MGA: variants seen among roughly 807,000 people sequenced by gnomAD.
MGA encodes MAX dimerization protein MGA.
In MGA, 40 loss-of-function variants were observed where a neutral mutation model predicts 261.1. That is an observed-to-expected ratio of 0.15 (90% CI 0.12 to 0.20). The LOEUF is 0.20. MGA is among the 10% of genes least tolerant of loss of function. The pLI, the probability that MGA is intolerant of heterozygous loss-of-function variation, is 1.00. For missense variants in MGA, 3,397 were observed against 3,630.5 expected, an observed-to-expected ratio of 0.94 and a Z score of 1.65; for synonymous variants, 1,302 against 1,290.6, an observed-to-expected ratio of 1.01 and a Z score of -0.19.
chr15:41,749,827 C>T lies in MGA; in HGVS notation c.6220C>T (p.Arg2074Cys), dbSNP rs199971244. 3.8e-5 allele frequency: 62 copies of T among 1,613,692 alleles called. No homozygotes were observed. Among genetic ancestry groups the T allele is most frequent in the Non-Finnish European group, 5.3e-5 (62 of 1,179,868 alleles). The change falls in exon 17 of 24, where the codon CGT (arginine) becomes TGT (cysteine). Residue 2074 changes from arginine to cysteine, a missense_variant. Arg to Cys is a radical substitution (Grantham distance 180). Coordinates refer to ENST00000219905, the MANE Select transcript of MGA (RefSeq NM_001164273.2). The stretch of plus-strand genomic sequence containing the variant: ...TAATGAAGAATATGGGGCTAGGAAT[C>T]GTAAGAGTTCCAAAGAAAAAGTGGC...
At chr15:41,656,065 C>T (rs548703750), upstream of MGA, among the ~76,000 whole-genome samples, 6 of 152,148 alleles carry the variant, frequency 3.9e-5, no homozygotes, top group Admixed American at 2.0e-4. Context: ...CATATTAATA[C>T]GTGGTTTTAA....
At chr15:41,708,521 G>A (rs1035232729) in intron 7 of MGA, among the ~76,000 whole-genome samples, 2 of 152,216 alleles carry the variant, frequency 1.3e-5, no homozygotes, top group African/African-American at 4.8e-5. Context: ...GCTTCACCAT[G>A]TTGGCCAGGC....
At chr15:41,629,650 G>T in intron 1 of MGA, among the ~76,000 whole-genome samples, 1 of 151,700 alleles carries the variant, frequency 6.6e-6, no homozygotes, top group South Asian at 2.1e-4. Flanking sequence ...GATTACTTCA[G>T]CCTGGGTGGT....
intron 1 of MGA, among the ~76,000 whole-genome samples, chr15:41,664,710 TAGG>T (rs2057627744): frequency 6.6e-6 from 1 of 152,336 alleles, no homozygotes; most frequent in South Asian, 2.1e-4. Flanking sequence ...AAGTACAAGC[TAGG>T]AGTTTGCATT....
chr15:41,686,790 A>T (rs961588856), intron 2 of MGA, among the ~76,000 whole-genome samples: 2 of 151,976 alleles, frequency 1.3e-5, no homozygotes, highest in African/African-American at 4.8e-5. Context: ...ATTGATTTAG[A>T]GGGGAGGGGT....
chr15:41,757,838 A>T lies in MGA; in HGVS notation c.7190A>T (p.Lys2397Met). 1 of 1,602,480 alleles carries T rather than the reference A, an allele frequency of 6.2e-7. No homozygotes were observed. The highest frequency in any genetic ancestry group is 8.5e-7 in the Non-Finnish European group (1 of 1,170,092). The change falls in exon 19 of 24, where the codon AAG becomes ATG. Residue 2397 changes from lysine to methionine, a missense_variant and splice_region_variant. Coordinates refer to ENST00000219905, the MANE Select transcript of MGA (RefSeq NM_001164273.2). Reference sequence around the variant, plus strand: ...GAAAAAGCAGCTGAAAGGAGTCGAAAGGTATTTAGGATATATTTAGTGATA... The same window carrying T: ...GAAAAAGCAGCTGAAAGGAGTCGAATGGTATTTAGGATATATTTAGTGATA...
intron 5 of MGA, among the ~76,000 whole-genome samples, chr15:41,702,912 T>A (rs192259626): frequency 6.8e-6 from 1 of 148,036 alleles, no homozygotes; most frequent in Non-Finnish European, 1.5e-5. Context: ...ATAGAAAAAT[T>A]AAGAACACAG....
chr15:41,667,888 C>T (rs1183355873), intron 1 of MGA, among the ~76,000 whole-genome samples: 2 of 152,168 alleles, frequency 1.3e-5, no homozygotes, highest in Admixed American at 6.5e-5. Context: ...AGTGCACCTT[C>T]TGCCTCCTAG....
At position 41,743,188 on chromosome 15, in the gene MGA, T is replaced by C. The variant is rs1312172419; in HGVS notation, c.5212+16T>C. The C allele has an allele frequency of 7.6e-6, 12 of 1,586,192 alleles. No homozygotes were observed. In the East Asian group the frequency reaches 1.4e-4, roughly 18 times the overall value. On this transcript the variant is annotated intron_variant, in intron 15 of 23. Coordinates refer to ENST00000219905, the MANE Select transcript of MGA (RefSeq NM_001164273.2). ...CAGAGACCAGGTAAGGCCTAGATGT[T>C]ACTAGCTGCTTTATTTTACTGTACA...
chr15:41,701,259 T>A (rs2059838607), intron 5 of MGA, among the ~76,000 whole-genome samples: 4 of 152,224 alleles, frequency 2.6e-5, no homozygotes, highest in Admixed American at 2.6e-4. Context: ...TTTTTTTTGT[T>A]ATTTTCTTGA....
intron 15 of MGA, among the ~76,000 whole-genome samples, chr15:41,745,223 C>T (rs895682818): frequency 2.0e-4 from 29 of 141,846 alleles, no homozygotes; most frequent in African/African-American, 7.5e-4. Flanking sequence ...CTTCCCTCCA[C>T]TATTGTCCTA....
chr15:41,762,162 A>C lies in MGA; in HGVS notation c.7544A>C (p.Glu2515Ala). 6.2e-7 allele frequency: 1 copy of C among 1,613,878 alleles called. No homozygotes were observed. The highest frequency in any genetic ancestry group is 8.5e-7 in the Non-Finnish European group (1 of 1,179,828). Residue 2515 changes from glutamate to alanine, a missense_variant, in exon 22 of 24, where the codon GAG becomes GCG. Transcript: ENST00000219905. ...GAAGAAGTGGTCCTGAAGAAGCTAG[A>C]GTATATTTATGCAAAACAGCAAGCA...
In MGA at chr15:41,703,368, A is replaced by ACCCCCCC. The variant is rs71108121; in HGVS notation, c.2188+4214_2188+4220dup. Among the ~76,000 whole-genome samples, 11 of 93,290 alleles carry ACCCCCCC rather than the reference A, an allele frequency of 1.2e-4. 1 individual carries two copies. Among genetic ancestry groups the ACCCCCCC allele is most frequent in the Non-Finnish European group, 1.6e-4 (8 of 48,660 alleles). The allele number at this position is 93,290 out of a possible 152,430, so 61.2% of individuals were successfully genotyped here. The stretch of plus-strand genomic sequence containing the variant: ...TTGTCAGTTTATTCATTGTGAAGTT[A>ACCCCCCC]CCCCCCCCCCCACTCCCCACCCTCC... On this transcript the variant is annotated intron_variant, in intron 5 of 23. Coordinates refer to ENST00000219905, the MANE Select transcript of MGA (RefSeq NM_001164273.2).
At chr15:41,760,077 A>AT (rs2063367431) in intron 19 of MGA, 1 of 443,826 alleles carries the variant, frequency 2.3e-6, no homozygotes, top group African/African-American at 1.9e-5. Flanking sequence ...TCATTTGAAA[A>AT]TCACTGAAAT....
intron 9 of MGA, among the ~76,000 whole-genome samples, chr15:41,720,106 T>C (rs76882197): frequency 0.018 from 2,743 of 152,244 alleles, 82 homozygotes; most frequent in African/African-American, 0.063. Flanking sequence ...GCGAAGAATC[T>C]AGAAATAACC....
chr15:41,688,535 TC>T (rs2059091215), intron 2 of MGA, among the ~76,000 whole-genome samples: 1 of 152,210 alleles, frequency 6.6e-6, no homozygotes. Context: ...TGGACTTGTT[TC>T]TTTATCCACT....
chr15:41,735,250 T>G (rs1422277089), intron 12 of MGA, among the ~76,000 whole-genome samples: 1 of 152,124 alleles, frequency 6.6e-6, no homozygotes, highest in Admixed American at 6.5e-5. Context: ...ACCAGTACAC[T>G]CATTGGGAAG....
intron 2 of MGA, 79 bp from the exon 3 acceptor site, chr15:41,695,996 C>CTTTTTTTTTTTTTT: frequency 3.4e-6 from 3 of 870,356 alleles, no homozygotes; most frequent in Non-Finnish European, 5.0e-6. Context: ...TTCCTAACAT[C>CTTTTTTTTTTTTTT]TTTTTTTTTT....
chr15:41,734,983 G>T (rs1595907506), intron 12 of MGA, among the ~76,000 whole-genome samples: 1 of 152,114 alleles, frequency 6.6e-6, no homozygotes, highest in Admixed American at 6.5e-5. Flanking sequence ...CTGTGATTTA[G>T]CTGGCAGAGG....
Sources: allele counts gnomAD v4.1 joint callset (sites outside exome capture counted in the v4.1 genomes callset), GRCh38; gene constraint gnomAD v4.1.1; transcripts MANE v1.5; gene names NCBI Gene and HGNC (gene_info 2026-07-23, HGNC 2026-07-21).